Variants in TBC1D31 observed in about 807,000 individuals in gnomAD.
TBC1D31 encodes the protein TBC1 domain family member 31.
TBC1D31 carries 99 observed loss-of-function variants against 132.9 expected under a neutral mutation model. That is an observed-to-expected ratio of 0.74 (90% confidence interval 0.63 to 0.88). The LOEUF (loss-of-function observed/expected upper bound fraction) is 0.88. Ranked by LOEUF, TBC1D31 falls within the 40% of genes least tolerant of loss-of-function variation. TBC1D31 has a pLI of 0.00. For synonymous variants in TBC1D31, 385 were observed against 419.4 expected (o/e 0.92, Z 1.00); for missense variants, 1,134 against 1,256.6 (o/e 0.90, Z 1.48).
intron 4 of TBC1D31, among the ~76,000 whole-genome samples, chr8:123,089,208 A>G (rs1201338164): frequency 1.3e-5 from 2 of 152,172 alleles, no homozygotes; most frequent in Non-Finnish European, 2.9e-5. Context: ...AAATATTCCA[A>G]AGTCCAAAAA....
chr8:123,134,881 A>ACTTT lies in TBC1D31; in HGVS notation c.2499+684_2499+687dup, dbSNP rs200935677. 8.3e-3 allele frequency among the ~76,000 whole-genome samples: 1,256 copies of ACTTT among 152,194 alleles called. 14 individuals carry two copies. The highest frequency in any genetic ancestry group is 0.029 in the African/African-American group (1,220 of 41,524). ...GTAAATCAGTCAGGAGCTGTAAAGT[A>ACTTT]CTTTCTTTCTTTATTTGTATTTTTA... is the stretch of plus-strand genomic sequence containing the variant. On this transcript the variant is annotated intron_variant, in intron 17 of 21. Coordinates refer to ENST00000287380, the MANE Select transcript of TBC1D31 (RefSeq NM_145647.4).
intron 5 of TBC1D31, among the ~76,000 whole-genome samples, 197 bp from the exon 6 acceptor site, chr8:123,097,084 CA>C (rs1221795356): frequency 2.6e-5 from 4 of 152,066 alleles, no homozygotes; most frequent in Non-Finnish European, 5.9e-5. Flanking sequence ...TGAATTAATA[CA>C]AATTAAATAA....
chr8:123,105,111 G>A (rs974844844), intron 7 of TBC1D31, among the ~76,000 whole-genome samples, 177 bp from the exon 8 acceptor site: 27 of 152,042 alleles, frequency 1.8e-4, no homozygotes, highest in African/African-American at 5.3e-4. Flanking sequence ...GCAGAAATTT[G>A]CTTTGATTTA....
At chr8:123,153,274 G>T (rs1822902467), downstream of TBC1D31, among the ~76,000 whole-genome samples, 1 of 152,086 alleles carries the variant, frequency 6.6e-6, no homozygotes, top group African/African-American at 2.4e-5. Context: ...CTGTGGTTCT[G>T]CCACCCAGAA....
chr8:123,134,956 G>A (rs1281408313), intron 17 of TBC1D31, among the ~76,000 whole-genome samples: 1 of 152,098 alleles, frequency 6.6e-6, no homozygotes, highest in Non-Finnish European at 1.5e-5. Flanking sequence ...CTGCAGTGCA[G>A]TGGCACCATC....
downstream of TBC1D31, among the ~76,000 whole-genome samples, chr8:123,156,572 G>A (rs996624300): frequency 3.9e-5 from 6 of 152,132 alleles, no homozygotes; most frequent in African/African-American, 1.4e-4. Flanking sequence ...GGGCAGAAGG[G>A]AGATGGATCT....
intron 10 of TBC1D31, among the ~76,000 whole-genome samples, chr8:123,113,641 A>G (rs1468440911): frequency 6.6e-6 from 1 of 152,204 alleles, no homozygotes. Flanking sequence ...CGCTTTATAT[A>G]CTTATATGCC....
downstream of TBC1D31, among the ~76,000 whole-genome samples, chr8:123,152,768 G>A (rs991148777): frequency 1.3e-5 from 2 of 152,160 alleles, no homozygotes; most frequent in Admixed American, 1.3e-4. Flanking sequence ...CTACTTGGAA[G>A]GCAGGGGGAG....
chr8:123,100,775 G>A, intron 6 of TBC1D31, 32 bp from the exon 7 acceptor site: 2 of 1,558,582 alleles, frequency 1.3e-6, no homozygotes, highest in South Asian at 2.2e-5. Flanking sequence ...ACTATCACAT[G>A]TTTTTAGGAA....
At chr8:123,164,845 C>A in the TBC1D31 span, among the ~76,000 whole-genome samples, 1 of 152,214 alleles carries the variant, frequency 6.6e-6, no homozygotes. Flanking sequence ...TTCCTACACA[C>A]AAACATAAAA....
Position 123,093,697 on chromosome 8 carries a change from C to A in TBC1D31, c.626C>A (p.Pro209Gln), listed in dbSNP as rs781690470. The A allele has an allele frequency of 6.2e-7, 1 of 1,610,706 alleles. No homozygotes were observed. Among genetic ancestry groups the A allele is most frequent in the African/African-American group, 1.3e-5 (1 of 74,870 alleles). Residue 209 changes from proline (P) to glutamine (Q), a missense_variant, in exon 5 of 22, where the codon CCA becomes CAA. By Grantham distance (76) the Pro-to-Gln change is moderately conservative. Coordinates refer to ENST00000287380, the MANE Select transcript of TBC1D31 (RefSeq NM_145647.4). ...TLFCKYQLPA[P>Q]PESSSILYKV... ...TTTTGCAAATATCAATTGCCAGCTCCACCTGAAAGCTCTAGTATATTATAC... is the reference window on the plus strand; with the variant it reads ...TTTTGCAAATATCAATTGCCAGCTCAACCTGAAAGCTCTAGTATATTATAC...
chr8:123,126,763 A>G (rs947728700), intron 13 of TBC1D31, 76 bp downstream of exon 13: 2 of 1,379,782 alleles, frequency 1.4e-6, no homozygotes, highest in Non-Finnish European at 2.0e-6. Flanking sequence ...ATTTTTTGAG[A>G]CAGAGTCTCG....
chr8:123,083,474 T>C (rs1300680206), intron 3 of TBC1D31: 1 of 152,138 alleles, frequency 6.6e-6, no homozygotes, highest in African/African-American at 2.4e-5. Flanking sequence ...CCCAGGTTGG[T>C]CTCGAACTTC....
the TBC1D31 span, among the ~76,000 whole-genome samples, chr8:123,158,658 G>A: frequency 6.6e-6 from 1 of 152,152 alleles, no homozygotes; most frequent in Non-Finnish European, 1.5e-5. Context: ...TGAGAGATAC[G>A]GCGGGGTGTT....
chr8:123,107,674 AG>A (rs1286095283), intron 8 of TBC1D31, among the ~76,000 whole-genome samples: 3 of 152,160 alleles, frequency 2.0e-5, no homozygotes, highest in African/African-American at 7.2e-5. Flanking sequence ...GGGAAGTAAA[AG>A]CCTCATCATG....
chr8:123,083,467 A>C (rs1221492402), intron 3 of TBC1D31: 1 of 151,758 alleles, frequency 6.6e-6, no homozygotes, highest in Non-Finnish European at 1.5e-5. Context: ...CATGTTGCCC[A>C]GGTTGGTCTC....
chr8:123,089,902 T>G (rs1274904391), intron 4 of TBC1D31, among the ~76,000 whole-genome samples: 1 of 152,272 alleles, frequency 6.6e-6, no homozygotes, highest in Non-Finnish European at 1.5e-5. Context: ...TTGCCCCAGG[T>G]CTCCTAAAGT....
intron 7 of TBC1D31, among the ~76,000 whole-genome samples, chr8:123,101,507 T>C (rs1817413004): frequency 6.6e-6 from 1 of 152,142 alleles, no homozygotes; most frequent in Admixed American, 6.5e-5. Flanking sequence ...CTCTGCCTCC[T>C]GGGTTCAAGT....
At chr8:123,116,042 G>A (rs1399473580) in intron 10 of TBC1D31, among the ~76,000 whole-genome samples, 1 of 152,074 alleles carries the variant, frequency 6.6e-6, no homozygotes, top group Non-Finnish European at 1.5e-5. Context: ...AGTAATGAAA[G>A]GGAATTAGCC....
Sources: allele counts gnomAD v4.1 joint callset (sites outside exome capture counted in the v4.1 genomes callset), GRCh38; gene constraint gnomAD v4.1.1; transcripts MANE v1.5; gene names NCBI Gene and HGNC (gene_info 2026-07-23, HGNC 2026-07-21).